Variants in GRIK4 observed in about 807,000 individuals in gnomAD.
GRIK4 encodes glutamate receptor ionotropic, kainate 4.
A neutral mutation model predicts 104.9 loss-of-function variants in GRIK4; 40 were observed. That is an observed-to-expected ratio of 0.38 (90% CI 0.30 to 0.50). The LOEUF (loss-of-function observed/expected upper bound fraction) is 0.50, where lower values mean the gene tolerates loss of function less well. Among genes scored for constraint, GRIK4 ranks in the 20% least tolerant of loss-of-function variants. The pLI, the probability that GRIK4 is intolerant of heterozygous loss-of-function variation, is 0.93. For synonymous variants in GRIK4, 485 were observed against 524.9 expected (o/e 0.92, Z 1.04); for missense variants, 1,047 against 1,308.1 (o/e 0.80, Z 3.08).
In GRIK4 at chr11:120,555,043, A is replaced by T. The variant is rs1711721574; in HGVS notation, c.-159+43156A>T. Among the ~76,000 whole-genome samples the T allele has an allele frequency of 6.6e-6, 1 of 152,214 alleles. No homozygotes were observed. The highest frequency in any genetic ancestry group is 6.5e-5 in the Admixed American group (1 of 15,286). On this transcript the variant is annotated intron_variant, in intron 1 of 20. Coordinates refer to ENST00000527524, the MANE Select transcript of GRIK4 (RefSeq NM_014619.5). The surrounding 1 kb of genome is among the most constrained non-coding windows in gnomAD (Gnocchi z 5.3). ...AAAGGTAGTCCATGCGAGTCCACAG[A>T]AGCTGGTTGCCTCTGAAGCCTGTGA...
intron 3 of GRIK4, among the ~76,000 whole-genome samples, chr11:120,721,966 A>T (rs144419247): frequency 6.6e-6 from 1 of 152,178 alleles, no homozygotes; most frequent in Non-Finnish European, 1.5e-5. Flanking sequence ...CTCACTTCTC[A>T]TGGTGTCTTT....
At position 120,953,869 on chromosome 11, in the gene GRIK4, G is replaced by T. The variant is rs568778878; in HGVS notation, c.1700+905G>T. ...TGCTGCTAACCCTCCACTTACTGCA[G>T]TGGAGGCTCACAAAGGGCTGTTATG... On this transcript the variant is annotated intron_variant, in intron 15 of 20. Transcript: ENST00000527524. The surrounding 1 kb of genome is among the most constrained non-coding windows in gnomAD (Gnocchi z 4.9). Among the ~76,000 whole-genome samples, 9 of 152,336 alleles carry T rather than the reference G, an allele frequency of 5.9e-5. No homozygotes were observed. Among genetic ancestry groups the T allele is most frequent in the South Asian group, 4.1e-4 (2 of 4,826 alleles).
At chr11:120,566,931 TGTCCTGACCTC>T (rs1948332639) in intron 1 of GRIK4, among the ~76,000 whole-genome samples, 1 of 151,554 alleles carries the variant, frequency 6.6e-6, no homozygotes, top group African/African-American at 2.4e-5. Context: ...ATGGTCTTGA[TGTCCTGACCTC>T]GTGTTCCGCC....
At chr11:120,522,022 C>T (rs561220865) in intron 1 of GRIK4, among the ~76,000 whole-genome samples, 1 of 152,328 alleles carries the variant, frequency 6.6e-6, no homozygotes, top group South Asian at 2.1e-4. Flanking sequence ...GAAGTAGGTA[C>T]TGTTGTCCCA....
intron 8 of GRIK4, among the ~76,000 whole-genome samples, chr11:120,854,616 T>C (rs1483359180): frequency 1.3e-5 from 2 of 152,206 alleles, no homozygotes; most frequent in Non-Finnish European, 2.9e-5. Context: ...GCACACTGCC[T>C]TCCTCACTAC....
chr11:120,847,926 A>G (rs1468582532), intron 8 of GRIK4, among the ~76,000 whole-genome samples: 1 of 152,232 alleles, frequency 6.6e-6, no homozygotes, highest in African/African-American at 2.4e-5. Flanking sequence ...CTAAAAAGAG[A>G]ATGGAAACCA....
At chr11:120,582,638 T>G (rs540624148) in intron 1 of GRIK4, among the ~76,000 whole-genome samples, 1 of 152,340 alleles carries the variant, frequency 6.6e-6, no homozygotes, top group Admixed American at 6.5e-5. Flanking sequence ...GTTAGTTTGC[T>G]TAGAATAATG....
intron 13 of GRIK4, among the ~76,000 whole-genome samples, chr11:120,912,738 C>T (rs1334852633): frequency 6.6e-6 from 1 of 152,090 alleles, no homozygotes; most frequent in Non-Finnish European, 1.5e-5. Context: ...GACTGTAAGT[C>T]AAGATGAAAT....
chr11:120,823,788 C>T (rs1262851230), intron 6 of GRIK4, among the ~76,000 whole-genome samples: 2 of 152,186 alleles, frequency 1.3e-5, no homozygotes, highest in African/African-American at 4.8e-5. Context: ...TGTCCAGGTG[C>T]AGTAGGGGAC....
intron 1 of GRIK4, among the ~76,000 whole-genome samples, chr11:120,625,104 G>A (rs1386469739): frequency 1.3e-5 from 2 of 152,098 alleles, no homozygotes; most frequent in East Asian, 1.9e-4. Context: ...GTAAAACCCC[G>A]TCTCTACTAA....
intron 3 of GRIK4, among the ~76,000 whole-genome samples, chr11:120,713,368 A>AT (rs1281010853): frequency 2.6e-5 from 4 of 152,148 alleles, no homozygotes; most frequent in African/African-American, 9.7e-5. Context: ...GTGGGTTGTC[A>AT]TTCCTGGCAC....
intron 11 of GRIK4, among the ~76,000 whole-genome samples, chr11:120,896,675 C>T (rs1020120347): frequency 1.3e-5 from 2 of 152,268 alleles, no homozygotes; most frequent in African/African-American, 4.8e-5. Flanking sequence ...CTCCCTCTCA[C>T]TCTCAGTCCT....
intron 3 of GRIK4, among the ~76,000 whole-genome samples, chr11:120,678,556 GC>G: frequency 6.6e-6 from 1 of 152,152 alleles, no homozygotes; most frequent in South Asian, 2.1e-4. Flanking sequence ...AAGGGAAGGG[GC>G]CAAAATAGAG....
rs1236482189 is a variant in GRIK4 at position 120,939,895 on chromosome 11, G to A, written c.1477-452G>A. Among the ~76,000 whole-genome samples the A allele has an allele frequency of 1.3e-5, 2 of 151,958 alleles. No homozygotes were observed. The highest frequency in any genetic ancestry group is 2.9e-5 in the Non-Finnish European group (2 of 68,000). ...CTCGGGAAGCTGAGGCAGGAGAATC[G>A]CTTGAACTCAGGAGGCAGAGGTTGC... On this transcript the variant is annotated intron_variant, in intron 13 of 20. Coordinates refer to ENST00000527524, the MANE Select transcript of GRIK4 (RefSeq NM_014619.5). The surrounding 1 kb of genome is among the most constrained non-coding windows in gnomAD (Gnocchi z 5.6).
At chr11:120,626,973 A>T (rs183248258) in intron 1 of GRIK4, among the ~76,000 whole-genome samples, 1 of 152,218 alleles carries the variant, frequency 6.6e-6, no homozygotes, top group Non-Finnish European at 1.5e-5. Flanking sequence ...TTATGTGCCA[A>T]CTGACTCCAC....
chr11:120,867,594 ACCTTCCGGGTCGGG>A (rs1398066023), intron 9 of GRIK4, among the ~76,000 whole-genome samples: 1 of 151,696 alleles, frequency 6.6e-6, no homozygotes, highest in African/African-American at 2.4e-5. Context: ...GCTCTTCCTC[ACCTTCCGGGTCGGG>A]CCTTCGGCAT....
chr11:120,526,863 A>G (rs1002329356), intron 1 of GRIK4, among the ~76,000 whole-genome samples: 10 of 152,244 alleles, frequency 6.6e-5, no homozygotes, highest in African/African-American at 2.2e-4. Context: ...AAAAAGAAAA[A>G]AAAAGTTCGT....
intron 1 of GRIK4, among the ~76,000 whole-genome samples, chr11:120,634,316 A>T (rs960173014): frequency 1.3e-5 from 2 of 152,160 alleles, no homozygotes; most frequent in African/African-American, 4.8e-5. Flanking sequence ...ACTCAGTGCC[A>T]GGGCTATGCC....
At chr11:120,726,320 G>T (rs1401112748) in intron 3 of GRIK4, among the ~76,000 whole-genome samples, 3 of 152,196 alleles carry the variant, frequency 2.0e-5, no homozygotes, top group Non-Finnish European at 4.4e-5. Context: ...TGATATATCT[G>T]AGTTATGCTT....
Sources: gnomAD v4.1 joint callset for allele counts (sites outside exome capture counted in the v4.1 genomes callset) on GRCh38, gnomAD v4.1.1 for gene constraint, Gnocchi (gnomAD v3.1) non-coding constraint, MANE v1.5 for transcripts, NCBI Gene and HGNC (gene_info 2026-07-23, HGNC 2026-07-21) for gene names.